Variants in BIRC6 observed in about 807,000 individuals in gnomAD.
The protein encoded by BIRC6 is dual E2 ubiquitin-conjugating enzyme/E3 ubiquitin-protein ligase BIRC6.
A neutral mutation model predicts 503.3 loss-of-function variants in BIRC6; 98 were observed. The ratio of observed to expected loss-of-function variants is 0.19; its 90% confidence interval spans 0.17 to 0.23. The LOEUF (loss-of-function observed/expected upper bound fraction) is 0.23, where lower values mean the gene tolerates loss of function less well. Ranked by LOEUF, BIRC6 falls within the 10% of genes least tolerant of loss-of-function variation. The pLI is 1.00. For synonymous variants in BIRC6, 2,240 were observed against 2,078.7 expected, an observed-to-expected ratio of 1.08 and a Z score of -2.11; for missense variants, 5,360 against 5,806.0, an observed-to-expected ratio of 0.92 and a Z score of 2.50.
intron 45 of BIRC6, among the ~76,000 whole-genome samples, chr2:32,497,309 T>G (rs191610828): frequency 2.1e-3 from 316 of 152,358 alleles, no homozygotes; most frequent in Non-Finnish European, 3.3e-3. Context: ...ACACCAAGTT[T>G]GATTTTTTTT....
rs183947937 is a variant in BIRC6 at position 32,543,104 on chromosome 2, G to A, written c.12292-137G>A. On this transcript the variant is annotated intron_variant, in intron 61 of 73. Coordinates refer to ENST00000421745, the MANE Select transcript of BIRC6 (RefSeq NM_016252.4). Reference sequence around the variant, plus strand: ...CGTGAGCCACTGCGCCCGGCTGGAAGCTTGTTTTTTAAAGCAAGCAGCTTT... The same window carrying A: ...CGTGAGCCACTGCGCCCGGCTGGAAACTTGTTTTTTAAAGCAAGCAGCTTT... 3.0e-4 allele frequency: 310 copies of A among 1,033,504 alleles called. 4 individuals carry two copies. The highest frequency in any genetic ancestry group is 1.4e-5 in the Non-Finnish European group (10 of 733,502). The allele number at this position is 1,033,504 out of a possible 1,614,324, so 64.0% of individuals were successfully genotyped here.
chr2:32,455,903 C>A (rs1046830776), intron 23 of BIRC6, among the ~76,000 whole-genome samples: 1 of 152,234 alleles, frequency 6.6e-6, no homozygotes, highest in African/African-American at 2.4e-5. Context: ...AGGCAAAGTG[C>A]TGACTAGTGA....
intron 55 of BIRC6, among the ~76,000 whole-genome samples, chr2:32,517,409 G>A (rs1233695354): frequency 6.6e-6 from 1 of 152,122 alleles, no homozygotes; most frequent in Non-Finnish European, 1.5e-5. Context: ...ATTAATTACT[G>A]GGAAAATATC....
chr2:32,363,407 C>T (rs1353114162), intron 1 of BIRC6, among the ~76,000 whole-genome samples: 1 of 151,974 alleles, frequency 6.6e-6, no homozygotes, highest in Non-Finnish European at 1.5e-5. Context: ...TGGACTTAAA[C>T]TGAACTTTGA....
chr2:32,468,255 C>A, intron 28 of BIRC6, 144 bp downstream of exon 28: 2 of 993,988 alleles, frequency 2.0e-6, no homozygotes, highest in South Asian at 1.7e-5. Flanking sequence ...GTTACAATAA[C>A]ACTTAATGCG....
At chr2:32,507,215 A>G (rs2053892924) in intron 50 of BIRC6, among the ~76,000 whole-genome samples, 1 of 152,150 alleles carries the variant, frequency 6.6e-6, no homozygotes, top group Non-Finnish European at 1.5e-5. Flanking sequence ...GAATCACTTG[A>G]GGACAGGAGT....
chr2:32,487,727 C>G lies in BIRC6; in HGVS notation c.7894C>G (p.Gln2632Glu). The G allele has an allele frequency of 6.2e-7, 1 of 1,613,476 alleles. No homozygotes were observed. The highest frequency in any genetic ancestry group is 2.2e-5 in the East Asian group (1 of 44,840). ...AANQTSQLII[Q>E]LSSVPMLNVC... ...AAACCAAACCAGCCAGCTTATTATA[C>G]AGTTATCATCTGTCCCAATGTTAAA... The change falls in exon 41 of 74, where the codon CAG becomes GAG. Residue 2632 changes from glutamine (Q) to glutamate (E), a missense_variant. Physicochemically the swap from Gln to Glu is conservative, Grantham distance 29. This residue lies in a region of BIRC6 where 2,299 missense variants were observed against 2,267.2 expected (regional missense o/e 1.01). Coordinates refer to ENST00000421745, the MANE Select transcript of BIRC6 (RefSeq NM_016252.4).
intron 5 of BIRC6, among the ~76,000 whole-genome samples, chr2:32,395,086 GA>G (rs1444481223): frequency 1.3e-5 from 2 of 152,128 alleles, no homozygotes; most frequent in African/African-American, 4.8e-5. Context: ...CGGGGAGGTG[GA>G]GCTTGCAGTG....
In BIRC6 at chr2:32,422,414, AT is replaced by A. The variant is rs569189601; in HGVS notation, c.2872+6261del. Among the ~76,000 whole-genome samples, 96 of 148,674 alleles carry A rather than the reference AT, an allele frequency of 6.5e-4. 1 individual carries two copies. The highest frequency in any genetic ancestry group is 1.8e-3 in the African/African-American group (75 of 40,582). Reference sequence around the variant, plus strand: ...GTGTGCCATTTTAATCCCTCTGTTGATTTTTTTTTTAGAAGAAAATTTACAT... The same window carrying A: ...GTGTGCCATTTTAATCCCTCTGTTGATTTTTTTTTAGAAGAAAATTTACAT... On this transcript the variant is annotated intron_variant, in intron 10 of 73. Coordinates refer to ENST00000421745, the MANE Select transcript of BIRC6 (RefSeq NM_016252.4).
chr2:32,402,068 A>G (rs560414175), intron 8 of BIRC6, among the ~76,000 whole-genome samples: 1 of 152,342 alleles, frequency 6.6e-6, no homozygotes, highest in East Asian at 1.9e-4. Context: ...AGGTGAGGCA[A>G]GAGGATCTAA....
chr2:32,518,391 A>T lies in BIRC6; in HGVS notation c.11487A>T (p.Pro3829=). 6.2e-7 allele frequency: 1 copy of T among 1,607,204 alleles called. No individual in the cohort carries two copies. Among genetic ancestry groups the T allele is most frequent in the Non-Finnish European group, 8.5e-7 (1 of 1,178,442 alleles). Residue 3829 remains proline, a synonymous_variant, in exon 56 of 74, where the codon CCA becomes CCT. Transcript: ENST00000421745. ...DEKVTMFLQS[P]CPLYKGRINA... is the part of the protein sequence containing the mutation. ...AAGTGACAATGTTTCTTCAGTCTCC[A>T]TGTCCAGTGAGTATTTAACACTTAA...
intron 32 of BIRC6, among the ~76,000 whole-genome samples, chr2:32,472,680 G>C (rs537998095): frequency 6.6e-6 from 1 of 152,118 alleles, no homozygotes; most frequent in African/African-American, 2.4e-5. Context: ...ACAGTTATGC[G>C]TTCTGAACTA....
rs2041391154 is a variant in BIRC6 at position 32,407,665 on chromosome 2, G to A, written c.1477+1108G>A. On this transcript the variant is annotated intron_variant, in intron 9 of 73. Transcript: ENST00000421745. Reference sequence around the variant, plus strand: ...AAAAAATTATAGTTAACATTTGGTAGTAAATATTCTTTAAATTTTATCATC... The same window carrying A: ...AAAAAATTATAGTTAACATTTGGTAATAAATATTCTTTAAATTTTATCATC... 3.3e-5 allele frequency among the ~76,000 whole-genome samples: 5 copies of A among 152,110 alleles called. No individual in the cohort carries two copies. The South Asian group carries it at 1.0e-3, about 32-fold the overall frequency.
chr2:32,416,063 C>G lies in BIRC6; in HGVS notation c.2772C>G (p.Ala924=). 2 of 1,613,780 alleles carry G rather than the reference C, an allele frequency of 1.2e-6. No individual in the cohort carries two copies. The highest frequency in any genetic ancestry group is 1.7e-6 in the Non-Finnish European group (2 of 1,179,846). Reference sequence around the variant, plus strand: ...ATCTTTCAAACTTTGAAATTTTGGCCAAAGTGGAGCCTCCCAAAAAGGAGG... The same window carrying G: ...ATCTTTCAAACTTTGAAATTTTGGCGAAAGTGGAGCCTCCCAAAAAGGAGG... The part of the protein sequence containing the change: ...ILDLSNFEIL[A]KVEPPKKEGT... The change falls in exon 10 of 74, where the codon GCC becomes GCG. Residue 924 remains alanine (A), a synonymous_variant. Coordinates refer to ENST00000421745, the MANE Select transcript of BIRC6 (RefSeq NM_016252.4).
intron 1 of BIRC6, among the ~76,000 whole-genome samples, chr2:32,358,676 A>G (rs1469448643): frequency 2.6e-5 from 4 of 152,234 alleles, no homozygotes; most frequent in Non-Finnish European, 4.4e-5. Context: ...AGGCATTTGT[A>G]AGAGTAAATG....
At chr2:32,516,796 G>A (rs1429209347) in intron 55 of BIRC6, among the ~76,000 whole-genome samples, 1 of 151,938 alleles carries the variant, frequency 6.6e-6, no homozygotes, top group Non-Finnish European at 1.5e-5. Flanking sequence ...GTGACCTTGG[G>A]CATATTGGTT....
At chr2:32,361,825 A>G (rs180939072) in intron 1 of BIRC6, among the ~76,000 whole-genome samples, 13 of 152,076 alleles carry the variant, frequency 8.5e-5, no homozygotes, top group East Asian at 3.9e-4. Flanking sequence ...TTCTTTATCT[A>G]TATGCATTTA....
intron 9 of BIRC6, among the ~76,000 whole-genome samples, chr2:32,408,287 GT>G (rs904267851): frequency 2.0e-5 from 3 of 151,496 alleles, no homozygotes; most frequent in African/African-American, 7.3e-5. Flanking sequence ...TCTTTCTTTT[GT>G]TTTTTTGAGA....
At chr2:32,555,428 C>T (rs1044912872) in intron 65 of BIRC6, among the ~76,000 whole-genome samples, 4 of 151,120 alleles carry the variant, frequency 2.6e-5, no homozygotes, top group African/African-American at 4.9e-5. Flanking sequence ...ATCATGAGGT[C>T]GGGACATCGA....
Sources: gnomAD v4.1 joint callset for allele counts (sites outside exome capture counted in the v4.1 genomes callset) on GRCh38, gnomAD v4.1.1 for gene constraint, gnomAD v4.1.1 regional missense constraint, MANE v1.5 for transcripts, NCBI Gene and HGNC (gene_info 2026-07-23, HGNC 2026-07-21) for gene names.